The following GLCCI1 variants were observed in gnomAD, a reference collection of about 807,000 sequenced individuals.
The protein encoded by GLCCI1 is glucocorticoid-induced transcript 1 protein.
GLCCI1 carries 24 observed loss-of-function variants against 52.2 expected under a neutral mutation model. The observed-to-expected ratio is 0.46, with a 90% CI of 0.33 to 0.65. The LOEUF (loss-of-function observed/expected upper bound fraction) is 0.65. GLCCI1 is among the 30% of genes least tolerant of loss of function. GLCCI1 has a pLI of 0.02. For missense variants in GLCCI1, 704 were observed against 701.5 expected (o/e 1.00, Z -0.04); for synonymous variants, 310 against 276.5 (o/e 1.12, Z -1.20).
At chr7:8,023,055 G>T (rs963532765) in intron 3 of GLCCI1, among the ~76,000 whole-genome samples, 1 of 152,150 alleles carries the variant, frequency 6.6e-6, no homozygotes, top group Non-Finnish European at 1.5e-5. Context: ...TCGCTCTGTT[G>T]CCCAGGCTGG....
At chr7:8,024,175 TATAGG>T (rs1163902547) in intron 3 of GLCCI1, among the ~76,000 whole-genome samples, 1 of 152,192 alleles carries the variant, frequency 6.6e-6, no homozygotes, top group Non-Finnish European at 1.5e-5. Flanking sequence ...TTTTATGTAC[TATAGG>T]TTATCAGTGT....
chr7:8,007,459 A>G (rs1425709932), intron 2 of GLCCI1, among the ~76,000 whole-genome samples: 1 of 152,088 alleles, frequency 6.6e-6, no homozygotes, highest in Non-Finnish European at 1.5e-5. Flanking sequence ...ATTGCCTTTT[A>G]TGGCAACCAC....
At chr7:8,016,155 C>T (rs1000799003) in intron 2 of GLCCI1, among the ~76,000 whole-genome samples, 11 of 152,188 alleles carry the variant, frequency 7.2e-5, no homozygotes, top group Non-Finnish European at 1.6e-4. Context: ...GACATTTTTA[C>T]GTTAGAGACA....
Position 8,037,347 on chromosome 7 carries a change from A to G in GLCCI1, c.696+14778A>G, listed in dbSNP as rs184811567. On this transcript the variant is annotated intron_variant, in intron 3 of 7. Transcript: ENST00000223145. ...GTATTTCCCAGACACGTGAATGCCA[A>G]AGGAATTCATCACCACTAGACTGGT... Among the ~76,000 whole-genome samples the G allele has an allele frequency of 9.8e-5, 15 of 152,322 alleles. No homozygotes were observed. In the East Asian group the frequency reaches 2.3e-3, roughly 23 times the overall value.
At chr7:7,972,588 T>A (rs1389262960) in intron 1 of GLCCI1, among the ~76,000 whole-genome samples, 1 of 152,166 alleles carries the variant, frequency 6.6e-6, no homozygotes, top group Non-Finnish European at 1.5e-5. Flanking sequence ...TACCAAAAAA[T>A]TATGAAACCA....
At chr7:8,019,585 A>G (rs1781443283) in intron 2 of GLCCI1, among the ~76,000 whole-genome samples, 1 of 151,822 alleles carries the variant, frequency 6.6e-6, no homozygotes, top group African/African-American at 2.4e-5. Flanking sequence ...ATATGTTTTG[A>G]GAAATGCATC....
chr7:8,043,070 T>C (rs1368849753), intron 3 of GLCCI1, among the ~76,000 whole-genome samples: 2 of 152,210 alleles, frequency 1.3e-5, no homozygotes, highest in African/African-American at 4.8e-5. Context: ...TAAAAAAGAT[T>C]GTAACTTGCT....
chr7:8,041,912 G>A (rs1318689589), intron 3 of GLCCI1, among the ~76,000 whole-genome samples: 1 of 152,088 alleles, frequency 6.6e-6, no homozygotes, highest in South Asian at 2.1e-4. Flanking sequence ...ATTTAAGCCA[G>A]TGCTCATTTG....
At chr7:8,061,595 A>C (rs1198012963) in intron 5 of GLCCI1, among the ~76,000 whole-genome samples, 1 of 146,156 alleles carries the variant, frequency 6.8e-6, no homozygotes, top group African/African-American at 2.6e-5. Context: ...TTATAATTTT[A>C]TATATATTAC....
At chr7:8,022,615 A>G (rs1239939765) in intron 3 of GLCCI1, 46 bp downstream of exon 3, 6 of 1,182,580 alleles carry the variant, frequency 5.1e-6, no homozygotes, top group Non-Finnish European at 6.0e-6. Flanking sequence ...TGGTCCTAGT[A>G]GATTACCTTA....
chr7:8,022,611 T>C, intron 3 of GLCCI1, 42 bp downstream of exon 3: 1 of 1,279,418 alleles, frequency 7.8e-7, no homozygotes, highest in Non-Finnish European at 1.1e-6. Context: ...GTTTTGGTCC[T>C]AGTAGATTAC....
intron 6 of GLCCI1, among the ~76,000 whole-genome samples, chr7:8,076,780 G>C (rs1291518677): frequency 6.6e-6 from 1 of 152,122 alleles, no homozygotes; most frequent in Non-Finnish European, 1.5e-5. Flanking sequence ...TTTGGTCAGT[G>C]CTTTACTCTC....
intron 6 of GLCCI1, among the ~76,000 whole-genome samples, chr7:8,077,627 G>C (rs1782902267): frequency 9.8e-6 from 1 of 101,968 alleles, no homozygotes; most frequent in South Asian, 3.1e-4. Flanking sequence ...ATGATTAAAT[G>C]TGTTCAGGTG....
rs1783155486 is a variant in GLCCI1, at chr7:8,088,055, A to G, written c.*1517A>G. Reference sequence around the variant, plus strand: ...GTTGTTTCATCTGCGCCTAAAGTGTATGGCACAATTTTCTTAAGAATTAGG... The same window carrying G: ...GTTGTTTCATCTGCGCCTAAAGTGTGTGGCACAATTTTCTTAAGAATTAGG... On this transcript the variant is annotated 3_prime_UTR_variant, in exon 8 of 8. Transcript: ENST00000223145. The G allele has an allele frequency of 6.6e-6, 1 of 152,190 alleles. No homozygotes were observed. The highest frequency in any genetic ancestry group is 2.1e-4 in the South Asian group (1 of 4,824). The allele number at this position is 152,190 out of a possible 1,614,324, so 9.4% of individuals were successfully genotyped here. A position where few individuals can be genotyped will look rare whatever the true frequency, so the allele number is the denominator to read the frequency against.
At chr7:8,068,128 C>G (rs1782673922) in intron 5 of GLCCI1, among the ~76,000 whole-genome samples, 1 of 152,170 alleles carries the variant, frequency 6.6e-6, no homozygotes, top group Admixed American at 6.5e-5. Flanking sequence ...AAGGCAGGAT[C>G]ACCTGAGGTC....
rs200090069 is a variant in GLCCI1 at position 8,047,008 on chromosome 7, G to GA, written c.697-8415dup. On this transcript the variant is annotated intron_variant, in intron 3 of 7. Transcript: ENST00000223145. ...TTCAATGAGGAGAAACAGAGAGGGG[G>GA]AAAAAAAAAACCACCTCTAAGTATA... Among the ~76,000 whole-genome samples the GA allele has an allele frequency of 7.0e-4, 105 of 150,326 alleles. 1 individual carries two copies. Among genetic ancestry groups the GA allele is most frequent in the South Asian group, 3.4e-3 (16 of 4,750 alleles).
Position 8,055,503 on chromosome 7 carries a change from G to A in GLCCI1, c.767G>A (p.Arg256His), listed in dbSNP as rs985423353. The A allele has an allele frequency of 6.8e-6, 11 of 1,613,486 alleles. No individual in the cohort carries two copies. Among genetic ancestry groups the A allele is most frequent in the African/African-American group, 4.0e-5 (3 of 74,864 alleles). The change falls in exon 4 of 8, where the codon CGC becomes CAC. Residue 256 changes from arginine to histidine, a missense_variant. By Grantham distance (29) the Arg-to-His change is conservative. Around this residue, in one of 3 missense-constraint regions of GLCCI1, gnomAD observed 547 missense variants for 524.8 expected, o/e 1.04. Transcript: ENST00000223145. ...AGTCGTCACAGTAAGGAGAAAGATC[G>A]CCAGTCACCTCTTCATGGCAACCAT... Reference protein sequence around the residue: ...QSSRHSKEKDRQSPLHGNHIT... With the variant: ...QSSRHSKEKDHQSPLHGNHIT...
intron 1 of GLCCI1, among the ~76,000 whole-genome samples, chr7:7,978,542 G>C: frequency 6.6e-6 from 1 of 151,980 alleles, no homozygotes; most frequent in East Asian, 1.9e-4. Flanking sequence ...TTTTTTCAAT[G>C]TCATTTGTGC....
intron 3 of GLCCI1, among the ~76,000 whole-genome samples, chr7:8,036,675 AAATG>A: frequency 6.6e-6 from 1 of 152,342 alleles, no homozygotes; most frequent in Non-Finnish European, 1.5e-5. Context: ...TTTAAGATAT[AAATG>A]AACAGTTTAT....
Sources: gnomAD v4.1 joint callset for allele counts (sites outside exome capture counted in the v4.1 genomes callset) on GRCh38, gnomAD v4.1.1 for gene constraint, gnomAD v4.1.1 regional missense constraint, MANE v1.5 for transcripts, NCBI Gene and HGNC (gene_info 2026-07-23, HGNC 2026-07-21) for gene names.